SMAD2: variants seen among roughly 807,000 people sequenced by gnomAD.
The protein encoded by SMAD2 is MAD homolog 2.
A neutral mutation model predicts 64.4 loss-of-function variants in SMAD2; 8 were observed. The ratio of observed to expected loss-of-function variants is 0.12; its 90% CI spans 0.07 to 0.22. SMAD2 has a LOEUF of 0.22. SMAD2 is among the 10% of genes least tolerant of loss of function. The probability of loss-of-function intolerance (pLI) is 1.00; values close to 1 mark genes in which losing one functional copy is unlikely to be tolerated. For synonymous variants in SMAD2, 203 were observed against 195.8 expected, an observed-to-expected ratio of 1.04 and a Z score of -0.31; for missense variants, 289 against 561.2, an observed-to-expected ratio of 0.51 and a Z score of 4.90.
At position 47,850,306 on chromosome 18, in the gene SMAD2, TGTATGTTATATAC is replaced by T. The variant is rs1484702404; in HGVS notation, c.784+955_784+967del. Reference sequence around the variant, plus strand: ...TATATATTATGTATAATATATATTATGTATGTTATATACATATTATGTATAATATATGTTATAT... The same window carrying T: ...TATATATTATGTATAATATATATTATATATTATGTATAATATATGTTATAT... On this transcript the variant is annotated intron_variant, in intron 7 of 10. Coordinates refer to ENST00000262160, the MANE Select transcript of SMAD2 (RefSeq NM_005901.6). Among the ~76,000 whole-genome samples the T allele has an allele frequency of 1.2e-3, 47 of 39,930 alleles. 4 individuals are homozygous for T. The highest frequency in any genetic ancestry group is 2.2e-3 in the Admixed American group (4 of 1,806). 26.2% of individuals were successfully genotyped at this position (39,930 alleles called of 152,430 possible).
rs1467023611 is a variant in SMAD2 at position 47,850,469 on chromosome 18, ATATAT to A, written c.784+800_784+804del. Among the ~76,000 whole-genome samples the A allele has an allele frequency of 1.9e-3, 43 of 23,204 alleles. 5 individuals carry two copies. Among genetic ancestry groups the A allele is most frequent in the Admixed American group, 3.5e-3 (3 of 858 alleles). 15.2% of individuals were successfully genotyped at this position (23,204 alleles called of 152,430 possible). A position where few individuals can be genotyped will look rare whatever the true frequency, so the allele number is the denominator to read the frequency against. On this transcript the variant is annotated intron_variant, in intron 7 of 10. Coordinates refer to ENST00000262160, the MANE Select transcript of SMAD2 (RefSeq NM_005901.6). The stretch of plus-strand genomic sequence containing the variant: ...ATATATATTATATATTATACATAAT[ATATAT>A]TATATATTATATATTATGTATAATA...
chr18:47,841,053 T>C lies in SMAD2; in HGVS notation c.*774A>G, dbSNP rs925186607. 1 of 232,332 alleles carries C rather than the reference T, an allele frequency of 4.3e-6. No homozygotes were observed. Among genetic ancestry groups the C allele is most frequent in the Non-Finnish European group, 8.5e-6 (1 of 117,636 alleles). 14.4% of individuals were successfully genotyped at this position (232,332 alleles called of 1,614,324 possible). On this transcript the variant is annotated 3_prime_UTR_variant, in exon 11 of 11. Transcript: ENST00000262160. ...TATTACTGGTGATGATGTCATGTTA[T>C]GCTGTTTTGATTATGAGGACAAAAA... is the stretch of plus-strand genomic sequence containing the variant.
At position 47,841,164 on chromosome 18, in the gene SMAD2, A is replaced by G. The variant is rs1598740166; in HGVS notation, c.*663T>C. The G allele has an allele frequency of 4.3e-6, 1 of 231,912 alleles. No homozygotes were observed. The highest frequency in any genetic ancestry group is 8.5e-6 in the Non-Finnish European group (1 of 117,660). 14.4% of individuals were successfully genotyped at this position (231,912 alleles called of 1,614,324 possible). ...AGCAGTTAAAAAAAAAAACAAAAAA[A>G]AACAAAAAACCACAAAAAGAATGAC... On this transcript the variant is annotated 3_prime_UTR_variant, in exon 11 of 11. Transcript: ENST00000262160.
rs1435578955 is a variant in SMAD2 at position 47,836,811 on chromosome 18, C to G, written c.*5016G>C. On this transcript the variant is annotated 3_prime_UTR_variant, in exon 11 of 11. Transcript: ENST00000262160. ...TAGCTCATATTTCCTGGTTGTAAGG[C>G]TCAAAACACAGGAATTCCACTCCAA... 1 of 216,102 alleles carries G rather than the reference C, an allele frequency of 4.6e-6. No individual in the cohort carries two copies. The highest frequency in any genetic ancestry group is 5.9e-5 in the Admixed American group (1 of 17,054). The allele number at this position is 216,102 out of a possible 1,614,324, so 13.4% of individuals were successfully genotyped here. A position where few individuals can be genotyped will look rare whatever the true frequency, so the allele number is the denominator to read the frequency against.
At chr18:47,849,871 G>A (rs902727753) in intron 7 of SMAD2, among the ~76,000 whole-genome samples, 3 of 151,592 alleles carry the variant, frequency 2.0e-5, no homozygotes, top group Non-Finnish European at 2.9e-5. Flanking sequence ...AGCTGGGTGT[G>A]GTGGCATGCA....
rs888184120 is a variant in SMAD2, at chr18:47,814,582, G to C, written c.*27245C>G. ...CAATTGCCCTGTTGGGAAATAAACG[G>C]AAACTTCAGGATGGGTATGCGAGTC... is the stretch of plus-strand genomic sequence containing the variant. On this transcript the variant is annotated 3_prime_UTR_variant, in exon 11 of 11. Coordinates refer to ENST00000262160, the MANE Select transcript of SMAD2 (RefSeq NM_005901.6). 1 of 152,190 alleles carries C rather than the reference G, an allele frequency of 6.6e-6. No homozygotes were observed. The highest frequency in any genetic ancestry group is 1.5e-5 in the Non-Finnish European group (1 of 68,046). 9.4% of individuals were successfully genotyped at this position (152,190 alleles called of 1,614,324 possible).
rs1192477308 is a variant in SMAD2, at chr18:47,930,468, G to A, written c.-161C>T. The A allele has an allele frequency of 6.6e-6, 1 of 151,884 alleles. No homozygotes were observed. Among genetic ancestry groups the A allele is most frequent in the East Asian group, 1.9e-4 (1 of 5,134 alleles). 9.4% of individuals were successfully genotyped at this position (151,884 alleles called of 1,614,324 possible). A position where few individuals can be genotyped will look rare whatever the true frequency, so the allele number is the denominator to read the frequency against. On this transcript the variant is annotated 5_prime_UTR_variant, in exon 1 of 11. Transcript: ENST00000262160. Reference sequence around the variant, plus strand: ...GGGGCTGGGAGGGGAAGAGGGGAATGGGCGATTGGAGGCGGAACTGAAAAC... The same window carrying A: ...GGGGCTGGGAGGGGAAGAGGGGAATAGGCGATTGGAGGCGGAACTGAAAAC...
At chr18:47,921,748 C>G (rs1348642799) in intron 1 of SMAD2, among the ~76,000 whole-genome samples, 2 of 152,146 alleles carry the variant, frequency 1.3e-5, no homozygotes, top group East Asian at 3.8e-4. Context: ...AGTAAATCCC[C>G]CAAGGCCACA....
chr18:47,886,590 T>C (rs1034175711), intron 2 of SMAD2, among the ~76,000 whole-genome samples: 25 of 151,848 alleles, frequency 1.6e-4, no homozygotes, highest in African/African-American at 5.3e-4. Context: ...TCTATCTATC[T>C]ATCTATCTAT....
chr18:47,919,911 C>T (rs1332451406), intron 1 of SMAD2, among the ~76,000 whole-genome samples: 4 of 152,120 alleles, frequency 2.6e-5, no homozygotes, highest in East Asian at 1.9e-4. Context: ...TTTCTTTAGA[C>T]CAGTGCTATC....
At chr18:47,881,554 T>C (rs1046555172) in intron 2 of SMAD2, among the ~76,000 whole-genome samples, 1 of 152,208 alleles carries the variant, frequency 6.6e-6, no homozygotes, top group African/African-American at 2.4e-5. Context: ...TTTTGAAACA[T>C]TCCTTCAGAT....
chr18:47,849,395 T>C (rs1323997407), intron 7 of SMAD2, among the ~76,000 whole-genome samples: 2 of 152,026 alleles, frequency 1.3e-5, no homozygotes, highest in Non-Finnish European at 2.9e-5. Context: ...CACAATTTTG[T>C]AGAATAAATT....
At chr18:47,886,573 CTAT>C (rs1292663219) in intron 2 of SMAD2, among the ~76,000 whole-genome samples, 30 of 71,314 alleles carry the variant, frequency 4.2e-4, no homozygotes, top group Admixed American at 3.1e-3. Context: ...ATCTATCCAT[CTAT>C]CTATCTATCT....
chr18:47,876,849 T>C (rs766783693), intron 2 of SMAD2, among the ~76,000 whole-genome samples: 4 of 152,112 alleles, frequency 2.6e-5, no homozygotes, highest in African/African-American at 9.7e-5. Context: ...TTTTGCACTT[T>C]GTTCCAATTA....
intron 8 of SMAD2, among the ~76,000 whole-genome samples, chr18:47,847,578 C>A (rs533879648): frequency 1.5e-5 from 2 of 137,652 alleles, no homozygotes; most frequent in East Asian, 2.3e-4. Context: ...ATTTAAAAAT[C>A]AAATCCATTA....
At chr18:47,849,485 A>ACG (rs1914873345) in intron 7 of SMAD2, among the ~76,000 whole-genome samples, 1 of 7,006 alleles carries the variant, frequency 1.4e-4, no homozygotes, top group African/African-American at 4.6e-4. Flanking sequence ...ACAGAAATGT[A>ACG]TGTATATATA....
Position 47,839,287 on chromosome 18 carries a change from C to T in SMAD2, c.*2540G>A, listed in dbSNP as rs879188363. ...TAACACAGTAATGCAAGAGTAACCA[C>T]CAAGATCAGGACCTTCTACCACTTT... On this transcript the variant is annotated 3_prime_UTR_variant, in exon 11 of 11. Transcript: ENST00000262160. 5 of 233,286 alleles carry T rather than the reference C, an allele frequency of 2.1e-5. No homozygotes were observed. In the South Asian group the frequency reaches 9.0e-4, roughly 42 times the overall value. The allele number at this position is 233,286 out of a possible 1,614,324, so 14.5% of individuals were successfully genotyped here.
chr18:47,837,706 A>G lies in SMAD2; in HGVS notation c.*4121T>C, dbSNP rs181305684. 1 of 233,144 alleles carries G rather than the reference A, an allele frequency of 4.3e-6. No homozygotes were observed. The highest frequency in any genetic ancestry group is 8.5e-6 in the Non-Finnish European group (1 of 117,872). 14.4% of individuals were successfully genotyped at this position (233,144 alleles called of 1,614,324 possible). ...AGATTTAGCAAAGTAAAGCATATGA[A>G]AGGAAGAAATGTTTGATATGTCTAA... On this transcript the variant is annotated 3_prime_UTR_variant, in exon 11 of 11. Coordinates refer to ENST00000262160, the MANE Select transcript of SMAD2 (RefSeq NM_005901.6).
chr18:47,835,416 G>T lies in SMAD2; in HGVS notation c.*6411C>A, dbSNP rs1711872594. 4.9e-6 allele frequency: 1 copy of T among 202,254 alleles called. No homozygotes were observed. The highest frequency in any genetic ancestry group is 6.0e-5 in the Admixed American group (1 of 16,678). 12.5% of individuals were successfully genotyped at this position (202,254 alleles called of 1,614,324 possible). ...CAGGAACCTATATTCACCAGAAAAG[G>T]ATCCTCCTGTTTCTCATCAAATTTT... On this transcript the variant is annotated 3_prime_UTR_variant, in exon 11 of 11. Transcript: ENST00000262160.
Sources: allele counts gnomAD v4.1 joint callset (sites outside exome capture counted in the v4.1 genomes callset), GRCh38; gene constraint gnomAD v4.1.1; transcripts MANE v1.5; gene names NCBI Gene and HGNC (gene_info 2026-07-23, HGNC 2026-07-21).